Variants in PCCA observed in about 807,000 individuals in gnomAD.
PCCA encodes propionyl-CoA carboxylase alpha chain, mitochondrial.
Under a neutral mutation model 101.3 loss-of-function variants are expected in PCCA, and 74 were observed. The ratio of observed to expected loss-of-function variants is 0.73; its 90% CI spans 0.61 to 0.89. The LOEUF is 0.89. Among genes scored for constraint, PCCA ranks in the 40% least tolerant of loss-of-function variants. The pLI, the probability that PCCA is intolerant of heterozygous loss-of-function variation, is 0.00. For synonymous variants in PCCA, 294 were observed against 313.6 expected (o/e 0.94, Z 0.66); for missense variants, 891 against 907.0 (o/e 0.98, Z 0.23).
At chr13:100,488,878 A>G (rs1219065482) in intron 21 of PCCA, among the ~76,000 whole-genome samples, 3 of 151,166 alleles carry the variant, frequency 2.0e-5, no homozygotes, top group Non-Finnish European at 4.4e-5. Flanking sequence ...ACCATGGGCC[A>G]CTCCCTTACC....
chr13:100,500,007 A>G (rs899362417), intron 21 of PCCA, among the ~76,000 whole-genome samples: 13 of 152,302 alleles, frequency 8.5e-5, no homozygotes, highest in East Asian at 1.9e-4. Flanking sequence ...GAGAGATAGT[A>G]TTTGGAATCT....
At chr13:100,175,776 A>C (rs989342414) in intron 6 of PCCA, among the ~76,000 whole-genome samples, 5 of 152,226 alleles carry the variant, frequency 3.3e-5, no homozygotes, top group Non-Finnish European at 7.3e-5. Context: ...TCTGATTAGC[A>C]ATGCATAAAG....
At chr13:100,409,913 C>T (rs2077927149) in intron 19 of PCCA, among the ~76,000 whole-genome samples, 1 of 152,018 alleles carries the variant, frequency 6.6e-6, no homozygotes, top group African/African-American at 2.4e-5. Context: ...AGGCATGCCA[C>T]CATGCCCAGC....
intron 21 of PCCA, among the ~76,000 whole-genome samples, chr13:100,500,140 G>A (rs1381404475): frequency 6.6e-6 from 1 of 152,160 alleles, no homozygotes; most frequent in Non-Finnish European, 1.5e-5. Flanking sequence ...CCCTGAGACT[G>A]TCTTCAGATT....
At chr13:100,150,903 G>A in intron 4 of PCCA, 1 of 1,550,156 alleles carries the variant, frequency 6.5e-7, no homozygotes, top group Non-Finnish European at 8.9e-7. Context: ...CGGCAAACAC[G>A]AATCCTATAT....
chr13:100,326,571 T>TA (rs1465068604), intron 16 of PCCA, among the ~76,000 whole-genome samples: 2 of 152,102 alleles, frequency 1.3e-5, no homozygotes, highest in African/African-American at 4.8e-5. Context: ...AATTACAAAG[T>TA]ATATTCATAA....
chr13:100,301,573 C>G lies in PCCA; in HGVS notation c.1179C>G (p.Gly393=). The change falls in exon 13 of 24, where the codon GGC becomes GGG. Residue 393 remains glycine (G), a synonymous_variant. Transcript: ENST00000376285. ...RHKQADIRIN[G]WAVECRVYAE... ...AACAAGCTGATATTCGCATCAACGG[C>G]TGGGCAGTTGAATGTCGGGTTTATG... 6.2e-7 allele frequency: 1 copy of G among 1,614,044 alleles called. No individual in the cohort carries two copies. The highest frequency in any genetic ancestry group is 8.5e-7 in the Non-Finnish European group (1 of 1,179,972).
At position 100,361,149 on chromosome 13, in the gene PCCA, GAAAT is replaced by G. The variant is rs2074533722; in HGVS notation, c.1644-7317_1644-7314del. Among the ~76,000 whole-genome samples the G allele has an allele frequency of 2.0e-5, 3 of 152,078 alleles. No homozygotes were observed. The South Asian group carries it at 6.2e-4, about 32-fold the overall frequency. ...TGCCAAGCATTCGGGGGAGGGAGGGGAAATAAATAGGTGGAACAGGGGACTTGTA... is the reference window on the plus strand; with the variant it reads ...TGCCAAGCATTCGGGGGAGGGAGGGGAAATAGGTGGAACAGGGGACTTGTA... On this transcript the variant is annotated intron_variant, in intron 18 of 23. Transcript: ENST00000376285.
chr13:100,461,223 C>A (rs1172854864), intron 21 of PCCA, among the ~76,000 whole-genome samples: 1 of 152,188 alleles, frequency 6.6e-6, no homozygotes, highest in Admixed American at 6.5e-5. Flanking sequence ...ACTGTAGTCT[C>A]TTAATTGATT....
At chr13:100,150,712 T>G in intron 4 of PCCA, 1 of 1,578,234 alleles carries the variant, frequency 6.3e-7, no homozygotes, top group Non-Finnish European at 8.6e-7. Context: ...CCTCAAAAAA[T>G]TTGTATGTGG....
At chr13:100,207,569 ACGG>A (rs1190643933) in intron 6 of PCCA, among the ~76,000 whole-genome samples, 3 of 151,798 alleles carry the variant, frequency 2.0e-5, no homozygotes, top group Non-Finnish European at 4.4e-5. Context: ...TTTAGTAGAG[ACGG>A]GCTTTCACTG....
intron 8 of PCCA, among the ~76,000 whole-genome samples, chr13:100,253,847 G>A (rs1038269705): frequency 3.8e-5 from 5 of 130,980 alleles, no homozygotes; most frequent in Non-Finnish European, 6.9e-5. Context: ...AAGGGCACTA[G>A]AGCCTGATTT....
intron 22 of PCCA, among the ~76,000 whole-genome samples, chr13:100,523,551 C>T (rs920699499): frequency 6.6e-6 from 1 of 152,178 alleles, no homozygotes; most frequent in Non-Finnish European, 1.5e-5. Flanking sequence ...ACTCGGGCCC[C>T]CACGACATGC....
intron 21 of PCCA, among the ~76,000 whole-genome samples, chr13:100,461,424 AAAATG>A (rs1296431529): frequency 1.3e-5 from 2 of 152,244 alleles, no homozygotes; most frequent in Admixed American, 6.5e-5. Flanking sequence ...AACTAATTAA[AAAATG>A]AAAAGAATTA....
At chr13:100,092,721 G>C (rs1044168233) in intron 1 of PCCA, among the ~76,000 whole-genome samples, 1 of 152,138 alleles carries the variant, frequency 6.6e-6, no homozygotes, top group African/African-American at 2.4e-5. Flanking sequence ...AAATTTGAAT[G>C]TTTAAGCCCT....
At chr13:100,191,023 A>G (rs2057704949) in intron 6 of PCCA, among the ~76,000 whole-genome samples, 1 of 151,864 alleles carries the variant, frequency 6.6e-6, no homozygotes, top group African/African-American at 2.4e-5. Context: ...CTTGAGCCCT[A>G]GGTGTCAAAG....
intron 14 of PCCA, among the ~76,000 whole-genome samples, chr13:100,303,294 A>T (rs972085864): frequency 2.0e-5 from 3 of 152,170 alleles, no homozygotes; most frequent in Non-Finnish European, 4.4e-5. Flanking sequence ...TAAGAATGAG[A>T]AATGATGTTT....
intron 21 of PCCA, among the ~76,000 whole-genome samples, chr13:100,498,375 A>T (rs2085431338): frequency 6.6e-6 from 1 of 152,044 alleles, no homozygotes; most frequent in Non-Finnish European, 1.5e-5. Context: ...CAAAAACAAG[A>T]GAGAGAGAAA....
At chr13:100,494,457 G>A (rs1481160866) in intron 21 of PCCA, among the ~76,000 whole-genome samples, 1 of 152,188 alleles carries the variant, frequency 6.6e-6, no homozygotes, top group Non-Finnish European at 1.5e-5. Context: ...GCCGAGGCAG[G>A]TGGATCACCT....
Sources: gnomAD v4.1 joint callset for allele counts (sites outside exome capture counted in the v4.1 genomes callset) on GRCh38, gnomAD v4.1.1 for gene constraint, MANE v1.5 for transcripts, NCBI Gene and HGNC (gene_info 2026-07-23, HGNC 2026-07-21) for gene names.